Variants in DVL3 observed in about 807,000 individuals in gnomAD.
DVL3 encodes the protein dishevelled segment polarity protein 3.
Under a neutral mutation model 67.4 loss-of-function variants are expected in DVL3, and 27 were observed. That is an observed-to-expected ratio of 0.40 (90% CI 0.30 to 0.55). The LOEUF is 0.55. Ranked by LOEUF, DVL3 falls within the 20% of genes least tolerant of loss-of-function variation. The probability of loss-of-function intolerance (pLI) is 0.46; values close to 1 mark genes in which losing one functional copy is unlikely to be tolerated. For synonymous variants in DVL3, 369 were observed against 396.8 expected (o/e 0.93, Z 0.83); for missense variants, 819 against 1,021.5 (o/e 0.80, Z 2.70).
chr3:184,170,744 G>C lies in DVL3; in HGVS notation c.2140G>C (p.Asp714His). ...AMGNPSEFFVDVM is the reference protein window; with the variant it reads ...AMGNPSEFFVHVM ...GGGAAACCCCAGTGAGTTCTTTGTGGATGTGATGTGAGCAGGGCCCCTCCC... is the reference window on the plus strand; with the variant it reads ...GGGAAACCCCAGTGAGTTCTTTGTGCATGTGATGTGAGCAGGGCCCCTCCC... The change falls in exon 15 of 15, where the codon GAT becomes CAT. Residue 714 changes from aspartate to histidine, a missense_variant. Around this residue, in one of 3 missense-constraint regions of DVL3, gnomAD observed 324 missense variants for 331.3 expected, o/e 0.98. Transcript: ENST00000313143. This position sits in a 1 kb window ranked among gnomAD's most constrained non-coding sequence, Gnocchi z 6.5. 6.2e-7 allele frequency: 1 copy of C among 1,613,384 alleles called. No individual in the cohort carries two copies. The highest frequency in any genetic ancestry group is 1.1e-5 in the South Asian group (1 of 91,054).
rs1211534365 is a variant in DVL3 at position 184,170,957 on chromosome 3, G to A, written c.*202G>A. 1 of 1,527,592 alleles carries A rather than the reference G, an allele frequency of 6.5e-7. No homozygotes were observed. Among genetic ancestry groups the A allele is most frequent in the African/African-American group, 1.4e-5 (1 of 72,806 alleles). 94.6% of individuals were successfully genotyped at this position (1,527,592 alleles called of 1,614,324 possible). A position where few individuals can be genotyped will look rare whatever the true frequency, so the allele number is the denominator to read the frequency against. On this transcript the variant is annotated 3_prime_UTR_variant, in exon 15 of 15. Coordinates refer to ENST00000313143, the MANE Select transcript of DVL3 (RefSeq NM_004423.4). The surrounding 1 kb of genome is among the most constrained non-coding windows in gnomAD (Gnocchi z 6.5). The stretch of plus-strand genomic sequence containing the variant: ...TCTGCAGCCCCCTAACCTGCCTCTG[G>A]CCCCAGTTCGTTTCCTCTGCCCACT...
In DVL3 at chr3:184,163,793, C is replaced by G. The variant is rs1714465007; in HGVS notation, c.231+67C>G. On this transcript the variant is annotated intron_variant, in intron 2 of 14. Transcript: ENST00000313143. The surrounding 1 kb of genome is among the most constrained non-coding windows in gnomAD (Gnocchi z 4.5). ...TGGGCTGGACGAGGGAAAGGCATCA[C>G]TGAGATTGTAGCTGGTGGTTTTAAG... The G allele has an allele frequency of 7.1e-7, 1 of 1,414,916 alleles. No homozygotes were observed. The highest frequency in any genetic ancestry group is 1.7e-5 in the Admixed American group (1 of 58,056). 87.6% of individuals were successfully genotyped at this position (1,414,916 alleles called of 1,614,324 possible).
Position 184,170,805 on chromosome 3 carries a change from T to C in DVL3, c.*50T>C, listed in dbSNP as rs201563126. The C allele has an allele frequency of 1.3e-4, 211 of 1,604,458 alleles. No homozygotes were observed. The African/African-American group carries it at 2.6e-3, about 20-fold the overall frequency. On this transcript the variant is annotated 3_prime_UTR_variant, in exon 15 of 15. Transcript: ENST00000313143. This position sits in a 1 kb window ranked among gnomAD's most constrained non-coding sequence, Gnocchi z 6.5. ...TCCGCTCCCACCCCAGCCGGCTGCG[T>C]TCCTCTCTCCATCCGTCCGTCTTTT... is the stretch of plus-strand genomic sequence containing the variant.
intron 13 of DVL3, 139 bp from the exon 14 acceptor site, chr3:184,169,867 A>AG (rs1036695361): frequency 1.7e-5 from 13 of 744,010 alleles, no homozygotes; most frequent in Middle Eastern, 2.5e-4. Flanking sequence ...GGTCTGCAGA[A>AG]GGGGGGAGCT....
In DVL3 at chr3:184,164,082, C is replaced by T. The variant is rs1309941515; in HGVS notation, c.232-185C>T. Among the ~76,000 whole-genome samples, 3 of 152,108 alleles carry T rather than the reference C, an allele frequency of 2.0e-5. No individual in the cohort carries two copies. Among genetic ancestry groups the T allele is most frequent in the African/African-American group, 7.2e-5 (3 of 41,424 alleles). On this transcript the variant is annotated intron_variant, in intron 2 of 14. Coordinates refer to ENST00000313143, the MANE Select transcript of DVL3 (RefSeq NM_004423.4). This position sits in a 1 kb window ranked among gnomAD's most constrained non-coding sequence, Gnocchi z 5.3. ...ACCACCCCATGCCTTCCAACAACCC[C>T]GTCAATAGCAGGAAGTGGCAGAGGG...
At chr3:184,168,711 C>G (rs1009693114) in intron 13 of DVL3, among the ~76,000 whole-genome samples, 1 of 152,174 alleles carries the variant, frequency 6.6e-6, no homozygotes, top group Non-Finnish European at 1.5e-5. Context: ...TTAATAGGGC[C>G]GGTGGCCTCA....
rs1346034529 is a variant in DVL3 at position 184,163,808 on chromosome 3, G to A, written c.231+82G>A. On this transcript the variant is annotated intron_variant, in intron 2 of 14. Coordinates refer to ENST00000313143, the MANE Select transcript of DVL3 (RefSeq NM_004423.4). This position sits in a 1 kb window ranked among gnomAD's most constrained non-coding sequence, Gnocchi z 4.5. ...AAAGGCATCACTGAGATTGTAGCTG[G>A]TGGTTTTAAGCTTCAGTATCTGAAT... The A allele has an allele frequency of 9.4e-6, 12 of 1,282,748 alleles. No homozygotes were observed. The South Asian group carries it at 1.1e-4, about 12-fold the overall frequency. 79.5% of individuals were successfully genotyped at this position (1,282,748 alleles called of 1,614,324 possible).
rs376423897 is a variant in DVL3 at position 184,166,570 on chromosome 3, C to T, written c.981-36C>T. 64 of 1,614,112 alleles carry T rather than the reference C, an allele frequency of 4.0e-5. No homozygotes were observed. Among genetic ancestry groups the T allele is most frequent in the Middle Eastern group, 3.3e-4 (2 of 6,062 alleles). On this transcript the variant is annotated intron_variant, in intron 9 of 14. Coordinates refer to ENST00000313143, the MANE Select transcript of DVL3 (RefSeq NM_004423.4). This position sits in a 1 kb window ranked among gnomAD's most constrained non-coding sequence, Gnocchi z 6.7. ...GGCAAGGGGCTTGGTCTGGCCTATA[C>T]GCATCCTGCCTTCACTAGGACACCC... is the stretch of plus-strand genomic sequence containing the variant.
intron 1 of DVL3, among the ~76,000 whole-genome samples, chr3:184,162,047 A>G (rs1201232721): frequency 6.6e-6 from 1 of 152,092 alleles, no homozygotes; most frequent in Non-Finnish European, 1.5e-5. Flanking sequence ...GAATTACTGA[A>G]CCTATTGAGC....
intron 1 of DVL3, among the ~76,000 whole-genome samples, chr3:184,162,705 C>T (rs1292001795): frequency 6.6e-6 from 1 of 151,812 alleles, no homozygotes; most frequent in Non-Finnish European, 1.5e-5. Flanking sequence ...GATCACAGGA[C>T]TGGTAGATGT....
chr3:184,163,511 C>G lies in DVL3; in HGVS notation c.162-146C>G, dbSNP rs1714456613. On this transcript the variant is annotated intron_variant, in intron 1 of 14. Coordinates refer to ENST00000313143, the MANE Select transcript of DVL3 (RefSeq NM_004423.4). This position sits in a 1 kb window ranked among gnomAD's most constrained non-coding sequence, Gnocchi z 4.5. Reference sequence around the variant, plus strand: ...TGGTGCCAAAGAGCTGTCTCTGGGTCTCCCCAACCTCTGCTTTCATTTGAA... The same window carrying G: ...TGGTGCCAAAGAGCTGTCTCTGGGTGTCCCCAACCTCTGCTTTCATTTGAA... The G allele has an allele frequency of 1.3e-6, 1 of 799,848 alleles. No individual in the cohort carries two copies. Among genetic ancestry groups the G allele is most frequent in the African/African-American group, 1.7e-5 (1 of 59,598 alleles). The allele number at this position is 799,848 out of a possible 1,614,324, so 49.5% of individuals were successfully genotyped here.
intron 1 of DVL3, among the ~76,000 whole-genome samples, chr3:184,162,098 T>G (rs2109019886): frequency 6.6e-6 from 1 of 152,298 alleles, no homozygotes; most frequent in Admixed American, 6.5e-5. Context: ...AGCATTGTTG[T>G]ATTAAATGAA....
intron 1 of DVL3, chr3:184,156,693 T>A (rs1354740922): frequency 1.5e-5 from 5 of 323,526 alleles, no homozygotes; most frequent in Non-Finnish European, 3.1e-5. Flanking sequence ...CTGAAGCAGC[T>A]GGCCTGGGAA....
rs1380044481 is a variant in DVL3 at position 184,165,007 on chromosome 3, C to T, written c.599+76C>T. 1 of 1,609,636 alleles carries T rather than the reference C, an allele frequency of 6.2e-7. No individual in the cohort carries two copies. ...CCTAAACCCTGAGGATGCGGGGCCCCTGGGAGGCTTATGGGCTTTGTGTTG... is the reference window on the plus strand; with the variant it reads ...CCTAAACCCTGAGGATGCGGGGCCCTTGGGAGGCTTATGGGCTTTGTGTTG... On this transcript the variant is annotated intron_variant, in intron 5 of 14. Coordinates refer to ENST00000313143, the MANE Select transcript of DVL3 (RefSeq NM_004423.4). This position sits in a 1 kb window ranked among gnomAD's most constrained non-coding sequence, Gnocchi z 4.1.
In DVL3 at chr3:184,170,823, C is replaced by G; in HGVS notation, c.*68C>G. The G allele has an allele frequency of 1.3e-6, 2 of 1,589,058 alleles. No individual in the cohort carries two copies. The highest frequency in any genetic ancestry group is 1.7e-6 in the Non-Finnish European group (2 of 1,168,334). On this transcript the variant is annotated 3_prime_UTR_variant, in exon 15 of 15. Transcript: ENST00000313143. The surrounding 1 kb of genome is among the most constrained non-coding windows in gnomAD (Gnocchi z 6.5). Reference sequence around the variant, plus strand: ...GGCTGCGTTCCTCTCTCCATCCGTCCGTCTTTTTTACTTTGTCTGGTACCT... The same window carrying G: ...GGCTGCGTTCCTCTCTCCATCCGTCGGTCTTTTTTACTTTGTCTGGTACCT...
chr3:184,166,368 C>A lies in DVL3; in HGVS notation c.904-78C>A. On this transcript the variant is annotated intron_variant, in intron 8 of 14. Transcript: ENST00000313143. The surrounding 1 kb of genome is among the most constrained non-coding windows in gnomAD (Gnocchi z 6.7). ...AGGCCCCTTCTTGGTTGGGGGAAGACTCCCTGACCTACCAAGTTGAGTTCC... is the reference window on the plus strand; with the variant it reads ...AGGCCCCTTCTTGGTTGGGGGAAGAATCCCTGACCTACCAAGTTGAGTTCC... 6.2e-7 allele frequency: 1 copy of A among 1,609,000 alleles called. No individual in the cohort carries two copies. Among genetic ancestry groups the A allele is most frequent in the South Asian group, 1.1e-5 (1 of 90,792 alleles).
Position 184,171,389 on chromosome 3 carries a change from T to C in DVL3, c.*634T>C. The C allele has an allele frequency of 1.0e-6, 1 of 998,972 alleles. No homozygotes were observed. Among genetic ancestry groups the C allele is most frequent in the Non-Finnish European group, 1.2e-6 (1 of 839,270 alleles). 61.9% of individuals were successfully genotyped at this position (998,972 alleles called of 1,614,324 possible). On this transcript the variant is annotated 3_prime_UTR_variant, in exon 15 of 15. Transcript: ENST00000313143. ...GGCCCAGAGGGCCCCCTCAGTTGCC[T>C]GAGCAGCTGGTGGCTTCCAGGGAGC... is the stretch of plus-strand genomic sequence containing the variant.
intron 1 of DVL3, among the ~76,000 whole-genome samples, chr3:184,160,756 C>T (rs1714352674): frequency 6.6e-6 from 1 of 152,168 alleles, no homozygotes; most frequent in Non-Finnish European, 1.5e-5. Flanking sequence ...GGTAGGGACT[C>T]AGCAGCAATT....
chr3:184,165,265 G>A lies in DVL3; in HGVS notation c.693+59G>A. The A allele has an allele frequency of 6.4e-7, 1 of 1,553,868 alleles. No individual in the cohort carries two copies. Among genetic ancestry groups the A allele is most frequent in the Non-Finnish European group, 8.7e-7 (1 of 1,143,198 alleles). Reference sequence around the variant, plus strand: ...GCAGATTGTGAGCCCTTCCTACGCAGGGCCAAGGCTTGTTCTTCCTTAGAT... The same window carrying A: ...GCAGATTGTGAGCCCTTCCTACGCAAGGCCAAGGCTTGTTCTTCCTTAGAT... On this transcript the variant is annotated intron_variant, in intron 6 of 14. Coordinates refer to ENST00000313143, the MANE Select transcript of DVL3 (RefSeq NM_004423.4). The surrounding 1 kb of genome is among the most constrained non-coding windows in gnomAD (Gnocchi z 4.1).
Sources: gnomAD v4.1 joint callset for allele counts (sites outside exome capture counted in the v4.1 genomes callset) on GRCh38, gnomAD v4.1.1 for gene constraint, gnomAD v4.1.1 regional missense constraint, Gnocchi (gnomAD v3.1) non-coding constraint, MANE v1.5 for transcripts, NCBI Gene and HGNC (gene_info 2026-07-23, HGNC 2026-07-21) for gene names.